The following CCDC50 variants were observed in gnomAD, a reference collection of about 807,000 sequenced individuals.
The protein encoded by CCDC50 is coiled-coil domain-containing protein 50.
CCDC50 carries 54 observed loss-of-function variants against 70.2 expected under a neutral mutation model. The observed-to-expected ratio is 0.77, with a 90% CI of 0.62 to 0.96. The LOEUF (loss-of-function observed/expected upper bound fraction) is 0.96, where lower values mean the gene tolerates loss of function less well. Among genes scored for constraint, CCDC50 ranks in the 50% least tolerant of loss-of-function variants. The pLI is 0.00. For missense variants in CCDC50, 558 were observed against 578.7 expected, an observed-to-expected ratio of 0.96 and a Z score of 0.37; for synonymous variants, 216 against 198.8, an observed-to-expected ratio of 1.09 and a Z score of -0.73.
At chr3:191,363,979 AG>A (rs1169955429) in intron 4 of CCDC50, among the ~76,000 whole-genome samples, 5 of 152,214 alleles carry the variant, frequency 3.3e-5, no homozygotes, top group Admixed American at 2.6e-4. Context: ...GGTGCCTGAA[AG>A]GGAGAGGAAA....
At chr3:191,391,602 T>A in intron 11 of CCDC50, 139 bp from the exon 12 acceptor site, 1 of 778,920 alleles carries the variant, frequency 1.3e-6, no homozygotes. Flanking sequence ...ATTGATTCTG[T>A]ATATATGTCA....
chr3:191,333,932 A>G (rs1013030442), intron 1 of CCDC50, among the ~76,000 whole-genome samples: 1 of 152,162 alleles, frequency 6.6e-6, no homozygotes, highest in Non-Finnish European at 1.5e-5. Flanking sequence ...TATGTATTAC[A>G]TAGAAAAATT....
intron 1 of CCDC50, among the ~76,000 whole-genome samples, chr3:191,341,304 G>C (rs1257573505): frequency 6.6e-6 from 1 of 152,178 alleles, no homozygotes; most frequent in Non-Finnish European, 1.5e-5. Context: ...GTGAGTAGCA[G>C]ATGCTTTCTT....
rs1713761407 is a variant in CCDC50 at position 191,393,398 on chromosome 3, G to T, written c.*1638G>T. On this transcript the variant is annotated 3_prime_UTR_variant, in exon 12 of 12. Coordinates refer to ENST00000392455, the MANE Select transcript of CCDC50 (RefSeq NM_178335.3). ...GTTAATTTTTTTCCCACTGTGAATT[G>T]CCTTCTGTTTGCCTTATCTTTTCAG... 2 of 152,128 alleles carry T rather than the reference G, an allele frequency of 1.3e-5. No individual in the cohort carries two copies. Among genetic ancestry groups the T allele is most frequent in the South Asian group, 4.1e-4 (2 of 4,828 alleles). 9.4% of individuals were successfully genotyped at this position (152,128 alleles called of 1,614,324 possible). A position where few individuals can be genotyped will look rare whatever the true frequency, so the allele number is the denominator to read the frequency against.
At chr3:191,369,746 C>G (rs573097928) in intron 4 of CCDC50, among the ~76,000 whole-genome samples, 173 bp from the exon 5 acceptor site, 60 of 152,262 alleles carry the variant, frequency 3.9e-4, no homozygotes, top group Admixed American at 1.5e-3. Flanking sequence ...AGATCATGTG[C>G]TACTCCTGTT....
Position 191,329,829 on chromosome 3 carries a change from G to A in CCDC50, c.49+106G>A, listed in dbSNP as rs537136473. 1,787 of 1,185,228 alleles carry A rather than the reference G, an allele frequency of 1.5e-3. 4 individuals carry two copies. The highest frequency in any genetic ancestry group is 2.0e-3 in the Non-Finnish European group (1,664 of 832,756). The allele number at this position is 1,185,228 out of a possible 1,614,324, so 73.4% of individuals were successfully genotyped here. ...TCGGCTCCCGCGGCCCTCGCCCGGT[G>A]CCCGCCCTGCGTTGGCCTTGCCCGG... On this transcript the variant is annotated intron_variant, in intron 1 of 11. Coordinates refer to ENST00000392455, the MANE Select transcript of CCDC50 (RefSeq NM_178335.3).
chr3:191,380,022 C>T, intron 6 of CCDC50, 137 bp from the exon 7 acceptor site: 1 of 653,044 alleles, frequency 1.5e-6, no homozygotes. Flanking sequence ...TAATGCACCC[C>T]ACACTGTATT....
chr3:191,375,086 G>C lies in CCDC50; in HGVS notation c.473G>C (p.Arg158Thr). ...GACCAACCAGGGTCAAGGAGGGCCA[G>C]GGAATTGGGTTCTGGATTCTCAAGA... is the stretch of plus-strand genomic sequence containing the variant. ...DGDQPGSRRARELGSGFSRPC... is the reference protein window; with the variant it reads ...DGDQPGSRRATELGSGFSRPC... Residue 158 changes from arginine (R) to threonine (T), a missense_variant, in exon 6 of 12, where the codon AGG (arginine) becomes ACG (threonine). Coordinates refer to ENST00000392455, the MANE Select transcript of CCDC50 (RefSeq NM_178335.3). The C allele has an allele frequency of 6.2e-7, 1 of 1,613,512 alleles. No homozygotes were observed. Among genetic ancestry groups the C allele is most frequent in the Admixed American group, 1.7e-5 (1 of 59,960 alleles).
rs1444800899 is a variant in CCDC50 at position 191,394,709 on chromosome 3, C to T, written c.*2949C>T. 6.6e-6 allele frequency: 1 copy of T among 152,154 alleles called. No homozygotes were observed. Among genetic ancestry groups the T allele is most frequent in the Non-Finnish European group, 1.5e-5 (1 of 68,002 alleles). The allele number at this position is 152,154 out of a possible 1,614,324, so 9.4% of individuals were successfully genotyped here. A position where few individuals can be genotyped will look rare whatever the true frequency, so the allele number is the denominator to read the frequency against. On this transcript the variant is annotated 3_prime_UTR_variant, in exon 12 of 12. Coordinates refer to ENST00000392455, the MANE Select transcript of CCDC50 (RefSeq NM_178335.3). ...CTGCTTGACATAGACACCCACTCTC[C>T]TCCACATTTTATAAATCATTGTTTG...
At chr3:191,349,688 A>G (rs1179546312) in intron 1 of CCDC50, among the ~76,000 whole-genome samples, 1 of 142,052 alleles carries the variant, frequency 7.0e-6, no homozygotes, top group African/African-American at 2.5e-5. Context: ...CAGTATATCC[A>G]TATAACTAAG....
At position 191,391,741 on chromosome 3, in the gene CCDC50, G is replaced by A; in HGVS notation, c.1430G>A (p.Gly477Asp). ...TTTCCTTTTTTCTTCCCCTCCCCAG[G>A]TTTTCATTACAAACATTAAAAACCT... ...HFSKSESSHKGFHYKH is the reference protein window; with the variant it reads ...HFSKSESSHKDFHYKH Residue 477 changes from glycine to aspartate, a missense_variant and splice_region_variant, in exon 12 of 12, where the codon GGT becomes GAT. By Grantham distance (94) the Gly-to-Asp change is moderately conservative (BLOSUM62 -1). Transcript: ENST00000392455. 1.9e-6 allele frequency: 3 copies of A among 1,612,858 alleles called. No individual in the cohort carries two copies. Among genetic ancestry groups the A allele is most frequent in the Non-Finnish European group, 2.5e-6 (3 of 1,179,284 alleles).
chr3:191,357,944 ATTAC>A, intron 2 of CCDC50, 50 bp from the exon 3 acceptor site: 1 of 1,611,160 alleles, frequency 6.2e-7, no homozygotes, highest in East Asian at 2.2e-5. Context: ...TATGGCATTT[ATTAC>A]TAACAAACCA....
rs73185226 is a variant in CCDC50 at position 191,370,205 on chromosome 3, T to C, written c.448+169T>C. The C allele has an allele frequency of 0.097, 55,787 of 575,574 alleles. 2,978 individuals are homozygous for C. The highest frequency in any genetic ancestry group is 0.22 in the East Asian group (6,956 of 32,120). 35.7% of individuals were successfully genotyped at this position (575,574 alleles called of 1,614,324 possible). A position where few individuals can be genotyped will look rare whatever the true frequency, so the allele number is the denominator to read the frequency against. On this transcript the variant is annotated intron_variant, in intron 5 of 11. Coordinates refer to ENST00000392455, the MANE Select transcript of CCDC50 (RefSeq NM_178335.3). ...ATTCTATTTGAATCTAATAAATTCATGTTTTGTTTTGTTTTGTTTTTATTA... is the reference window on the plus strand; with the variant it reads ...ATTCTATTTGAATCTAATAAATTCACGTTTTGTTTTGTTTTGTTTTTATTA...
chr3:191,389,205 A>G (rs1031850941), intron 10 of CCDC50, among the ~76,000 whole-genome samples: 4 of 152,052 alleles, frequency 2.6e-5, no homozygotes, highest in Non-Finnish European at 5.9e-5. Flanking sequence ...TTTCTTATAA[A>G]TGGCAGCAGT....
rs1713352732 is a variant in CCDC50 at position 191,382,478 on chromosome 3, GC to G, written c.1243-267del. Among the ~76,000 whole-genome samples, 8 of 152,172 alleles carry G rather than the reference GC, an allele frequency of 5.3e-5. No individual in the cohort carries two copies. In the South Asian group the frequency reaches 1.7e-3, roughly 32 times the overall value. ...CCTGTGTGTTCAGCCCATTCCTCTGGCTGCTCTAAGGCTTTCAGATGAGTGG... is the reference window on the plus strand; with the variant it reads ...CCTGTGTGTTCAGCCCATTCCTCTGGTGCTCTAAGGCTTTCAGATGAGTGG... On this transcript the variant is annotated intron_variant, in intron 9 of 11. Transcript: ENST00000392455.
At chr3:191,383,194 G>A (rs1483628767) in intron 10 of CCDC50, among the ~76,000 whole-genome samples, 3 of 152,000 alleles carry the variant, frequency 2.0e-5, no homozygotes, top group Non-Finnish European at 2.9e-5. Flanking sequence ...ACACTGATGT[G>A]TGCATGCCAT....
At chr3:191,388,438 A>G (rs906157478) in intron 10 of CCDC50, among the ~76,000 whole-genome samples, 1 of 152,204 alleles carries the variant, frequency 6.6e-6, no homozygotes, top group African/African-American at 2.4e-5. Flanking sequence ...TCAAATATGT[A>G]TATGATAGTT....
chr3:191,383,338 C>G (rs1296003305), intron 10 of CCDC50, among the ~76,000 whole-genome samples: 1 of 152,058 alleles, frequency 6.6e-6, no homozygotes, highest in African/African-American at 2.4e-5. Flanking sequence ...TTATCTCAAA[C>G]AGTCGTGCAT....
chr3:191,346,299 T>C (rs999035032), intron 1 of CCDC50, among the ~76,000 whole-genome samples: 1 of 152,234 alleles, frequency 6.6e-6, no homozygotes, highest in East Asian at 1.9e-4. Context: ...CAGATTCGCC[T>C]TCATGGAAGA....
Sources: allele counts gnomAD v4.1 joint callset (sites outside exome capture counted in the v4.1 genomes callset), GRCh38; gene constraint gnomAD v4.1.1; transcripts MANE v1.5; gene names NCBI Gene and HGNC (gene_info 2026-07-23, HGNC 2026-07-21).